Variants in SLC1A1 observed in about 807,000 individuals in gnomAD.
SLC1A1 encodes the protein excitatory amino acid transporter 3.
A neutral mutation model predicts 53.3 loss-of-function variants in SLC1A1; 43 were observed. That is an observed-to-expected ratio of 0.81 (90% CI 0.63 to 1.04). The LOEUF is 1.04. Ranked by LOEUF, SLC1A1 falls within the 50% of genes least tolerant of loss-of-function variation. SLC1A1 has a pLI of 0.00. For synonymous variants in SLC1A1, 307 were observed against 243.2 expected (o/e 1.26, Z -2.44); for missense variants, 748 against 664.9 (o/e 1.12, Z -1.37).
At chr9:4,514,084 G>C (rs998462575) in intron 1 of SLC1A1, among the ~76,000 whole-genome samples, 1 of 152,190 alleles carries the variant, frequency 6.6e-6, no homozygotes, top group African/African-American at 2.4e-5. Context: ...GCTCTTTGGC[G>C]TGATGGAGCT....
chr9:4,492,489 A>T (rs997136433), intron 1 of SLC1A1, among the ~76,000 whole-genome samples: 11 of 151,990 alleles, frequency 7.2e-5, no homozygotes, highest in African/African-American at 2.7e-4. Flanking sequence ...CAAAAAAAAA[A>T]AAAAAAAAAG....
At chr9:4,512,952 G>T (rs1165117979) in intron 1 of SLC1A1, among the ~76,000 whole-genome samples, 1 of 151,940 alleles carries the variant, frequency 6.6e-6, no homozygotes, top group Non-Finnish European at 1.5e-5. Flanking sequence ...TTTGACAAAG[G>T]TGCAAAAGCT....
intron 1 of SLC1A1, among the ~76,000 whole-genome samples, chr9:4,514,516 C>A (rs532735338): frequency 6.6e-6 from 1 of 152,064 alleles, no homozygotes; most frequent in Non-Finnish European, 1.5e-5. Flanking sequence ...GGAAGGCTTT[C>A]CAAATACACT....
chr9:4,528,899 C>A (rs190386088), intron 1 of SLC1A1, among the ~76,000 whole-genome samples: 1 of 152,090 alleles, frequency 6.6e-6, no homozygotes, highest in African/African-American at 2.4e-5. Flanking sequence ...CCCTCAGTGT[C>A]CCATCCAAAA....
At chr9:4,513,483 G>A (rs972864717) in intron 1 of SLC1A1, among the ~76,000 whole-genome samples, 1 of 152,266 alleles carries the variant, frequency 6.6e-6, no homozygotes, top group African/African-American at 2.4e-5. Context: ...TTAGGGAAAA[G>A]TGAATTAAAA....
At chr9:4,541,716 A>G (rs879714934) in intron 1 of SLC1A1, among the ~76,000 whole-genome samples, 9 of 152,234 alleles carry the variant, frequency 5.9e-5, no homozygotes, top group African/African-American at 9.6e-5. Context: ...CTCAAAATAA[A>G]GTTTCAACGG....
intron 1 of SLC1A1, among the ~76,000 whole-genome samples, chr9:4,519,092 T>C (rs1159499634): frequency 1.3e-5 from 2 of 152,238 alleles, no homozygotes; most frequent in African/African-American, 4.8e-5. Context: ...CAGGACTGTT[T>C]ATTAGACAAC....
intron 1 of SLC1A1, among the ~76,000 whole-genome samples, chr9:4,498,155 A>G (rs1341822053): frequency 6.6e-6 from 1 of 152,128 alleles, no homozygotes; most frequent in Non-Finnish European, 1.5e-5. Context: ...GCTGGGAGCC[A>G]GAGGAACTCT....
chr9:4,553,370 T>TTTG (rs1818100602), intron 2 of SLC1A1: 1 of 149,286 alleles, frequency 6.7e-6, no homozygotes, highest in Non-Finnish European at 1.5e-5. Flanking sequence ...GCTTCTTTTT[T>TTTG]TTTTTTTTTT....
At chr9:4,580,111 G>C (rs1197056905) in intron 10 of SLC1A1, among the ~76,000 whole-genome samples, 1 of 152,006 alleles carries the variant, frequency 6.6e-6, no homozygotes, top group Non-Finnish European at 1.5e-5. Context: ...TGTGCCTGTA[G>C]TCCCAGCTAC....
chr9:4,553,097 C>A (rs1451406184), intron 2 of SLC1A1, among the ~76,000 whole-genome samples: 3 of 152,056 alleles, frequency 2.0e-5, no homozygotes, highest in African/African-American at 4.8e-5. Context: ...TAGGTTGTGG[C>A]AAAAACCCAG....
intron 1 of SLC1A1, among the ~76,000 whole-genome samples, chr9:4,495,507 G>A (rs1403565988): frequency 6.6e-6 from 1 of 152,138 alleles, no homozygotes; most frequent in Non-Finnish European, 1.5e-5. Flanking sequence ...GGCTGGCAAG[G>A]TGGGGGGTTG....
intron 1 of SLC1A1, among the ~76,000 whole-genome samples, chr9:4,523,685 A>G (rs1816162961): frequency 6.6e-6 from 1 of 152,232 alleles, no homozygotes. Flanking sequence ...AAAATCTATA[A>G]AGAGTATATA....
At chr9:4,508,192 G>C (rs1820867747) in intron 1 of SLC1A1, among the ~76,000 whole-genome samples, 1 of 152,170 alleles carries the variant, frequency 6.6e-6, no homozygotes. Context: ...TCACCCATGA[G>C]ATTAGCAAAC....
intron 1 of SLC1A1, among the ~76,000 whole-genome samples, chr9:4,540,373 G>A (rs758211717): frequency 1.3e-5 from 2 of 152,146 alleles, no homozygotes; most frequent in African/African-American, 4.8e-5. Flanking sequence ...CGGGTGCCAT[G>A]GGTGAGGATG....
chr9:4,533,195 T>C lies in SLC1A1; in HGVS notation c.92-11372T>C, dbSNP rs987383209. Among the ~76,000 whole-genome samples, 34 of 152,186 alleles carry C rather than the reference T, an allele frequency of 2.2e-4. 1 individual carries two copies. Among genetic ancestry groups the C allele is most frequent in the African/African-American group, 7.0e-4 (29 of 41,526 alleles). Reference sequence around the variant, plus strand: ...ACCAGCTAAGATCATAATGGCAGGATCAAATTCACACATAGCAATATTAAC... The same window carrying C: ...ACCAGCTAAGATCATAATGGCAGGACCAAATTCACACATAGCAATATTAAC... On this transcript the variant is annotated intron_variant, in intron 1 of 11. Coordinates refer to ENST00000262352, the MANE Select transcript of SLC1A1 (RefSeq NM_004170.6).
At chr9:4,555,598 G>A (rs1818298632) in intron 2 of SLC1A1, among the ~76,000 whole-genome samples, 1 of 152,206 alleles carries the variant, frequency 6.6e-6, no homozygotes, top group East Asian at 1.9e-4. Flanking sequence ...AGAGCTAGCA[G>A]GTGCCCCTGA....
At chr9:4,525,271 C>T (rs1295245022) in intron 1 of SLC1A1, among the ~76,000 whole-genome samples, 2 of 152,104 alleles carry the variant, frequency 1.3e-5, no homozygotes, top group African/African-American at 4.8e-5. Context: ...TAAGAGGGTA[C>T]CCATGAGAAG....
At chr9:4,517,006 C>T (rs926531779) in intron 1 of SLC1A1, among the ~76,000 whole-genome samples, 1 of 152,216 alleles carries the variant, frequency 6.6e-6, no homozygotes, top group Non-Finnish European at 1.5e-5. Context: ...GATATCGAAG[C>T]TGGCCATGTG....
Sources: gnomAD v4.1 joint callset for allele counts (sites outside exome capture counted in the v4.1 genomes callset) on GRCh38, gnomAD v4.1.1 for gene constraint, MANE v1.5 for transcripts, NCBI Gene and HGNC (gene_info 2026-07-23, HGNC 2026-07-21) for gene names.